Variants in ERC1 observed in about 807,000 individuals in gnomAD.
The protein encoded by ERC1 is RAB6 interacting protein 2.
In ERC1, 56 loss-of-function variants were observed where a neutral mutation model predicts 132.0. That is an observed-to-expected ratio of 0.42 (90% confidence interval 0.34 to 0.53). ERC1 has a LOEUF of 0.53. ERC1 is among the 20% of genes least tolerant of loss of function. ERC1 has a pLI of 0.03. For missense variants in ERC1, 1,202 were observed against 1,349.9 expected (o/e 0.89, Z 1.72); for synonymous variants, 478 against 476.1 (o/e 1.00, Z -0.05).
At chr12:1,352,402 A>T (rs190761743) in intron 15 of ERC1, among the ~76,000 whole-genome samples, 33 of 152,354 alleles carry the variant, frequency 2.2e-4, no homozygotes, top group African/African-American at 7.9e-4. Flanking sequence ...GGGGAATATG[A>T]GAAATTTCCA....
chr12:1,168,703 T>C (rs777598846), intron 8 of ERC1, among the ~76,000 whole-genome samples: 3 of 152,052 alleles, frequency 2.0e-5, no homozygotes, highest in Non-Finnish European at 2.9e-5. Context: ...GTCAGGCTGG[T>C]CTTGAACTCC....
At chr12:1,309,642 C>G (rs2081141929) in intron 15 of ERC1, among the ~76,000 whole-genome samples, 1 of 151,786 alleles carries the variant, frequency 6.6e-6, no homozygotes, top group Non-Finnish European at 1.5e-5. Flanking sequence ...ATCTCTCACT[C>G]TTGCTCTAAC....
intron 15 of ERC1, among the ~76,000 whole-genome samples, chr12:1,367,951 C>CTTTTTT (rs59027116): frequency 8.4e-6 from 1 of 118,550 alleles, no homozygotes; most frequent in Non-Finnish European, 1.8e-5. Context: ...CCACATTTTC[C>CTTTTTT]TTTTTTTTTT....
At chr12:1,244,658 A>G (rs2076050722) in intron 13 of ERC1, 1 of 409,082 alleles carries the variant, frequency 2.4e-6, no homozygotes, top group Non-Finnish European at 4.9e-6. Context: ...AGTAGCTGGG[A>G]TTCCAGGCGT....
At chr12:1,356,642 C>T (rs1237746030) in intron 15 of ERC1, among the ~76,000 whole-genome samples, 2 of 152,106 alleles carry the variant, frequency 1.3e-5, no homozygotes, top group East Asian at 1.9e-4. Flanking sequence ...CTACTTTAAC[C>T]GTATGCCCCT....
At chr12:997,537 A>G (rs1264951770) in intron 1 of ERC1, among the ~76,000 whole-genome samples, 1 of 152,192 alleles carries the variant, frequency 6.6e-6, no homozygotes, top group African/African-American at 2.4e-5. Context: ...ATTTATTGAA[A>G]TGACACAGGA....
rs924220263 is a variant in ERC1, at chr12:1,197,940, T to C, written c.2351+7888T>C. On this transcript the variant is annotated intron_variant, in intron 12 of 18. Coordinates refer to ENST00000360905, the MANE Select transcript of ERC1 (RefSeq NM_178040.4). ...TGTTTTGTTTTGTTTTTGTTGCTTTTTTTTTTTGAGGCAGGGTCTCTCTCA... is the reference window on the plus strand; with the variant it reads ...TGTTTTGTTTTGTTTTTGTTGCTTTCTTTTTTTGAGGCAGGGTCTCTCTCA... Among the ~76,000 whole-genome samples the C allele has an allele frequency of 2.6e-5, 4 of 152,006 alleles. No individual in the cohort carries two copies. In the East Asian group the frequency reaches 7.7e-4, roughly 29 times the overall value.
rs540427531 is a variant in ERC1, at chr12:1,136,098, C to T, written c.1570-5522C>T. Among the ~76,000 whole-genome samples the T allele has an allele frequency of 3.3e-5, 5 of 152,342 alleles. No homozygotes were observed. In the South Asian group the frequency reaches 1.0e-3, roughly 32 times the overall value. On this transcript the variant is annotated intron_variant, in intron 7 of 18. Coordinates refer to ENST00000360905, the MANE Select transcript of ERC1 (RefSeq NM_178040.4). ...CTTCTTCATCAGAAACCTGGGAACC[C>T]ATGTTTGACTTATCTCTCTTTTATC...
intron 2 of ERC1, among the ~76,000 whole-genome samples, chr12:1,065,480 T>TGTGTGTGTGTG (rs1938951655): frequency 1.6e-5 from 2 of 124,922 alleles, no homozygotes; most frequent in South Asian, 2.9e-4. Flanking sequence ...TTTGTACCGT[T>TGTGTGTGTGTG]TGTGTGTGTG....
chr12:1,067,278 T>G (rs1337803431), intron 2 of ERC1, among the ~76,000 whole-genome samples: 3 of 152,250 alleles, frequency 2.0e-5, no homozygotes, highest in Non-Finnish European at 4.4e-5. Flanking sequence ...GTTTCTGCTA[T>G]CCGATGAAAA....
At chr12:1,391,535 G>C (rs2089960423) in intron 16 of ERC1, 1 of 152,318 alleles carries the variant, frequency 6.6e-6, no homozygotes, top group African/African-American at 2.4e-5. Context: ...TCCTCACCTA[G>C]TCTCTAGTGA....
At chr12:1,019,814 T>C (rs1966067604) in intron 1 of ERC1, among the ~76,000 whole-genome samples, 1 of 152,162 alleles carries the variant, frequency 6.6e-6, no homozygotes, top group Non-Finnish European at 1.5e-5. Flanking sequence ...CTATCATGGC[T>C]CACTGTAGCC....
intron 12 of ERC1, among the ~76,000 whole-genome samples, chr12:1,213,396 G>A (rs1247706242): frequency 2.6e-5 from 4 of 152,170 alleles, no homozygotes; most frequent in Non-Finnish European, 5.9e-5. Flanking sequence ...TGAAAAGGAA[G>A]AGTGCGTAGA....
chr12:1,471,846 G>A (rs959367648), intron 18 of ERC1, among the ~76,000 whole-genome samples: 1 of 152,188 alleles, frequency 6.6e-6, no homozygotes, highest in African/African-American at 2.4e-5. Context: ...TCTCCATGGA[G>A]AGCTTGTGCA....
chr12:1,300,167 C>T (rs1406911348), intron 15 of ERC1, among the ~76,000 whole-genome samples: 3 of 152,092 alleles, frequency 2.0e-5, no homozygotes, highest in Admixed American at 6.5e-5. Flanking sequence ...GGCTGTACAC[C>T]TACAACTATC....
intron 12 of ERC1, among the ~76,000 whole-genome samples, chr12:1,220,640 A>G (rs1958889139): frequency 6.6e-6 from 1 of 152,234 alleles, no homozygotes. Flanking sequence ...GGCAAACTAC[A>G]GCTCATCTGG....
chr12:1,437,200 C>A (rs946350636), intron 17 of ERC1, among the ~76,000 whole-genome samples: 1 of 152,148 alleles, frequency 6.6e-6, no homozygotes, highest in East Asian at 1.9e-4. Context: ...CTTCTTGATT[C>A]TGGTTATCTC....
At chr12:1,130,433 T>TA (rs1347428902) in intron 7 of ERC1, among the ~76,000 whole-genome samples, 4 of 152,146 alleles carry the variant, frequency 2.6e-5, no homozygotes, top group Admixed American at 6.6e-5. Flanking sequence ...GGGGTCAAAG[T>TA]AGGTTGGCTG....
intron 14 of ERC1, among the ~76,000 whole-genome samples, chr12:1,273,607 T>C (rs952886657): frequency 8.5e-5 from 13 of 152,334 alleles, no homozygotes; most frequent in Middle Eastern, 3.4e-3. Flanking sequence ...ACTTAAAATT[T>C]GGCTAGAGCA....
Sources: gnomAD v4.1 joint callset for allele counts (sites outside exome capture counted in the v4.1 genomes callset) on GRCh38, gnomAD v4.1.1 for gene constraint, MANE v1.5 for transcripts, NCBI Gene and HGNC (gene_info 2026-07-23, HGNC 2026-07-21) for gene names.